Variants in TPST1 observed in about 807,000 individuals in gnomAD.
TPST1 encodes the protein protein-tyrosine sulfotransferase 1.
Under a neutral mutation model 34.8 loss-of-function variants are expected in TPST1, and 20 were observed. The ratio of observed to expected loss-of-function variants is 0.57; its 90% CI spans 0.40 to 0.84. The LOEUF is 0.84. TPST1 is among the 40% of genes least tolerant of loss of function. TPST1 has a pLI of 0.00. For synonymous variants in TPST1, 152 were observed against 159.4 expected (o/e 0.95, Z 0.35); for missense variants, 353 against 455.5 (o/e 0.78, Z 2.05).
intron 2 of TPST1, among the ~76,000 whole-genome samples, chr7:66,273,938 G>A (rs2115825144): frequency 6.6e-6 from 1 of 152,192 alleles, no homozygotes; most frequent in East Asian, 1.9e-4. Flanking sequence ...TAGTAGCTGG[G>A]ACTGCAGGCA....
At chr7:66,317,710 CT>C (rs916118458) in intron 3 of TPST1, among the ~76,000 whole-genome samples, 90 of 151,624 alleles carry the variant, frequency 5.9e-4, no homozygotes, top group African/African-American at 2.1e-3. Context: ...CCTATTGTCC[CT>C]TTTTTAAAAC....
intron 2 of TPST1, among the ~76,000 whole-genome samples, chr7:66,250,431 G>A (rs995783326): frequency 6.6e-6 from 1 of 152,182 alleles, no homozygotes; most frequent in Non-Finnish European, 1.5e-5. Flanking sequence ...CTAAGCACAC[G>A]TTTTAGAGTC....
chr7:66,318,679 C>G (rs1791687626), intron 3 of TPST1, among the ~76,000 whole-genome samples: 1 of 152,162 alleles, frequency 6.6e-6, no homozygotes, highest in Admixed American at 6.5e-5. Context: ...GTTGCCCAGG[C>G]TGGTCTCGAT....
At chr7:66,282,889 G>A (rs1033268439) in intron 2 of TPST1, among the ~76,000 whole-genome samples, 3 of 152,178 alleles carry the variant, frequency 2.0e-5, no homozygotes, top group Non-Finnish European at 4.4e-5. Context: ...GCAACACTGA[G>A]TAAACACTTG....
intron 1 of TPST1, among the ~76,000 whole-genome samples, chr7:66,227,352 CA>C (rs558043102): frequency 9.4e-4 from 143 of 151,892 alleles, no homozygotes; most frequent in Non-Finnish European, 1.8e-3. Context: ...TTTAAGTGAC[CA>C]TTTGGAAAAC....
intron 3 of TPST1, among the ~76,000 whole-genome samples, chr7:66,303,594 G>A (rs1395251296): frequency 6.6e-6 from 1 of 152,020 alleles, no homozygotes. Flanking sequence ...ATTTTTAGTA[G>A]TGACAGGGTT....
chr7:66,201,672 C>T (rs1789036877), upstream of TPST1, among the ~76,000 whole-genome samples: 1 of 151,604 alleles, frequency 6.6e-6, no homozygotes, highest in African/African-American at 2.4e-5. Context: ...GCCTGGGCAA[C>T]AGAGCGAGAC....
intron 1 of TPST1, among the ~76,000 whole-genome samples, chr7:66,224,839 G>T (rs1280600119): frequency 1.4e-5 from 2 of 146,396 alleles, no homozygotes; most frequent in East Asian, 2.1e-4. Context: ...TACGTTTATT[G>T]CAGTGTTTCA....
intron 3 of TPST1, among the ~76,000 whole-genome samples, chr7:66,296,247 T>TCCCCCCCCCCCCCCCCC (rs1554349788): frequency 2.5e-5 from 1 of 40,066 alleles, no homozygotes. Flanking sequence ...CACCCACCCT[T>TCCCCCCCCCCCCCCCCC]CCCCCCCCCC....
At chr7:66,293,353 A>G (rs559416327) in intron 3 of TPST1, among the ~76,000 whole-genome samples, 1 of 152,092 alleles carries the variant, frequency 6.6e-6, no homozygotes, top group Admixed American at 6.5e-5. Context: ...GAATATAAAA[A>G]TTATCCAGGC....
Position 66,286,629 on chromosome 7 carries a change from G to C in TPST1, c.964G>C (p.Ala322Pro). Reference protein sequence around the residue: ...QDMAVIAPMLAKLGYDPYANP... With the variant: ...QDMAVIAPMLPKLGYDPYANP... ...CATGGCAGTGATTGCTCCTATGCTTGCCAAGCTTGGATATGACCCATATGC... is the reference window on the plus strand; with the variant it reads ...CATGGCAGTGATTGCTCCTATGCTTCCCAAGCTTGGATATGACCCATATGC... The change falls in exon 3 of 6, where the codon GCC (alanine) becomes CCC (proline). Residue 322 changes from alanine (A) to proline (P), a missense_variant. Physicochemically the swap from Ala to Pro is conservative, Grantham distance 27. Transcript: ENST00000304842. 1 of 1,609,234 alleles carries C rather than the reference G, an allele frequency of 6.2e-7. No individual in the cohort carries two copies. The highest frequency in any genetic ancestry group is 8.5e-7 in the Non-Finnish European group (1 of 1,177,138).
In TPST1 at chr7:66,328,011, C is replaced by CTTTTTTTTTTTTTTTTTTTT. The variant is rs35582736; in HGVS notation, c.1045-24485_1045-24466dup. Among the ~76,000 whole-genome samples, 3 of 39,486 alleles carry CTTTTTTTTTTTTTTTTTTTT rather than the reference C, an allele frequency of 7.6e-5. 1 individual carries two copies. The highest frequency in any genetic ancestry group is 1.3e-4 in the Non-Finnish European group (3 of 22,830). The allele number at this position is 39,486 out of a possible 152,430, so 25.9% of individuals were successfully genotyped here. A position where few individuals can be genotyped will look rare whatever the true frequency, so the allele number is the denominator to read the frequency against. On this transcript the variant is annotated intron_variant, in intron 3 of 5. Transcript: ENST00000304842. ...TTTTCTTTCTTTTTTTTTTCCTTTC[C>CTTTTTTTTTTTTTTTTTTTT]TTTTTTTTTTTTTTTTTTTTTTTTT...
intron 1 of TPST1, among the ~76,000 whole-genome samples, chr7:66,208,898 G>T (rs892061260): frequency 1.1e-4 from 16 of 152,186 alleles, no homozygotes; most frequent in Admixed American, 2.0e-4. Context: ...AGTACATAGT[G>T]CTCAGTAAAC....
At chr7:66,222,092 TC>T (rs1333394147) in intron 1 of TPST1, among the ~76,000 whole-genome samples, 1 of 152,192 alleles carries the variant, frequency 6.6e-6, no homozygotes, top group African/African-American at 2.4e-5. Flanking sequence ...GTCTATAAAT[TC>T]CTTGCTTAGG....
intron 3 of TPST1, among the ~76,000 whole-genome samples, chr7:66,350,779 C>G (rs1182759572): frequency 6.6e-6 from 1 of 152,170 alleles, no homozygotes; most frequent in Non-Finnish European, 1.5e-5. Context: ...TATCAAACTT[C>G]TTCCTAGTGG....
rs563831250 is a variant in TPST1 at position 66,350,551 on chromosome 7, C to G, written c.1045-1954C>G. Among the ~76,000 whole-genome samples the G allele has an allele frequency of 5.5e-4, 84 of 151,906 alleles. 1 individual carries two copies. In the South Asian group the frequency reaches 0.012, roughly 22 times the overall value. ...CGGAGAACAAAAAAAAAAAATAGAC[C>G]AAGTTTTAGGCATTGCAGGAAAAAA... On this transcript the variant is annotated intron_variant, in intron 3 of 5. Coordinates refer to ENST00000304842, the MANE Select transcript of TPST1 (RefSeq NM_003596.4).
intron 2 of TPST1, among the ~76,000 whole-genome samples, chr7:66,261,642 T>A (rs942305438): frequency 3.3e-5 from 5 of 152,188 alleles, no homozygotes; most frequent in Admixed American, 2.0e-4. Flanking sequence ...TTCATATATT[T>A]AAAAAAATAT....
Position 66,248,212 on chromosome 7 carries a change from A to C in TPST1, c.845+6942A>C, listed in dbSNP as rs1365774724. ...GGGCCTTATATTTTAAGCTAAAGAT[A>C]TTGAATTTTAAGCCAGTTGCCTTCA... On this transcript the variant is annotated intron_variant, in intron 2 of 5. Transcript: ENST00000304842. Among the ~76,000 whole-genome samples, 4 of 152,008 alleles carry C rather than the reference A, an allele frequency of 2.6e-5. No individual in the cohort carries two copies. The East Asian group carries it at 7.7e-4, about 29-fold the overall frequency.
intron 1 of TPST1, among the ~76,000 whole-genome samples, chr7:66,234,404 C>CACACACAG (rs1358168649): frequency 6.7e-5 from 10 of 148,542 alleles, no homozygotes; most frequent in African/African-American, 2.5e-4. Flanking sequence ...CATGGCTACA[C>CACACACAG]ACACACACAC....
Sources: allele counts gnomAD v4.1 joint callset (sites outside exome capture counted in the v4.1 genomes callset), GRCh38; gene constraint gnomAD v4.1.1; transcripts MANE v1.5; gene names NCBI Gene and HGNC (gene_info 2026-07-23, HGNC 2026-07-21).